The following ZNF326 variants were observed in gnomAD, a reference collection of about 807,000 sequenced individuals.
The protein encoded by ZNF326 is DBIRD complex subunit ZNF326.
Under a neutral mutation model 63.1 loss-of-function variants are expected in ZNF326, and 30 were observed. The observed-to-expected ratio is 0.48, with a 90% CI of 0.36 to 0.64. ZNF326 has a LOEUF of 0.64. Ranked by LOEUF, ZNF326 falls within the 30% of genes least tolerant of loss-of-function variation. ZNF326 has a pLI of 0.00. For missense variants in ZNF326, 609 were observed against 720.3 expected (o/e 0.85, Z 1.77); for synonymous variants, 194 against 228.2 (o/e 0.85, Z 1.35).
At chr1:90,027,242 A>G in intron 11 of ZNF326, 112 bp from the exon 12 acceptor site, 1 of 973,876 alleles carries the variant, frequency 1.0e-6, no homozygotes. Flanking sequence ...ATTTACAATG[A>G]AAAGTTTCAA....
chr1:90,010,026 A>G lies in ZNF326; in HGVS notation c.616-62A>G, dbSNP rs956076032. 3.7e-5 allele frequency: 55 copies of G among 1,506,202 alleles called. No individual in the cohort carries two copies. In the East Asian group the frequency reaches 4.6e-4, roughly 13 times the overall value. 93.3% of individuals were successfully genotyped at this position (1,506,202 alleles called of 1,614,324 possible). A position where few individuals can be genotyped will look rare whatever the true frequency, so the allele number is the denominator to read the frequency against. ...AGTAGATAGTTAACATGAAAATTTT[A>G]TATGAATTCATATTTTTTCTTGGAC... On this transcript the variant is annotated intron_variant, in intron 5 of 11. Transcript: ENST00000340281.
intron 1 of ZNF326, 25 bp from the exon 2 acceptor site, chr1:89,998,085 C>CT: frequency 6.2e-7 from 1 of 1,604,858 alleles, no homozygotes; most frequent in Non-Finnish European, 8.5e-7. Context: ...ACACTAATTC[C>CT]TTTTTGTTAA....
At chr1:90,024,014 T>C (rs1209307579) in intron 11 of ZNF326, among the ~76,000 whole-genome samples, 1 of 152,228 alleles carries the variant, frequency 6.6e-6, no homozygotes, top group Non-Finnish European at 1.5e-5. Flanking sequence ...TTTGTATGCA[T>C]GTGAAAATTC....
intron 1 of ZNF326, 52 bp from the exon 2 acceptor site, chr1:89,998,058 G>T: frequency 6.5e-7 from 1 of 1,532,614 alleles, no homozygotes. Flanking sequence ...ATATAATTTT[G>T]AATTATTGCT....
chr1:90,025,569 A>C (rs1455332341), intron 11 of ZNF326, among the ~76,000 whole-genome samples: 4 of 152,204 alleles, frequency 2.6e-5, no homozygotes, highest in Admixed American at 2.6e-4. Context: ...AGTACAGACT[A>C]AATGAAAATC....
chr1:90,015,899 A>G (rs1466099312), intron 7 of ZNF326, among the ~76,000 whole-genome samples: 1 of 151,234 alleles, frequency 6.6e-6, no homozygotes, highest in Non-Finnish European at 1.5e-5. Context: ...GGTGAAAGGT[A>G]TAATCTAATT....
chr1:90,026,215 AGCCTTGCAGGTATGAGCC>A (rs1650010293), intron 11 of ZNF326, among the ~76,000 whole-genome samples: 3 of 152,232 alleles, frequency 2.0e-5, no homozygotes, highest in African/African-American at 7.2e-5. Context: ...CACCCGCCTC[AGCCTTGCAGGTATGAGCC>A]ACCGCACCCA....
chr1:89,995,366 G>C, intron 1 of ZNF326, 93 bp downstream of exon 1: 1 of 1,447,890 alleles, frequency 6.9e-7, no homozygotes, highest in South Asian at 1.3e-5. Context: ...GGCCGTGTGG[G>C]CTTTGTTCTG....
chr1:89,998,554 T>G (rs1329366580), intron 2 of ZNF326, among the ~76,000 whole-genome samples: 2 of 152,140 alleles, frequency 1.3e-5, no homozygotes, highest in Non-Finnish European at 2.9e-5. Flanking sequence ...TGACCTTGTT[T>G]TTGAGGTCAT....
Position 89,998,170 on chromosome 1 carries a change from C to A in ZNF326, c.61+16C>A, listed in dbSNP as rs746541694. ...GGCTTTAATGGTAAGTATCCTCTTT[C>A]AGCTTTTCTCTTCATGCGCATAAAA... is the stretch of plus-strand genomic sequence containing the variant. On this transcript the variant is annotated intron_variant, in intron 2 of 11. Transcript: ENST00000340281. 6.2e-7 allele frequency: 1 copy of A among 1,611,832 alleles called. No individual in the cohort carries two copies. Among genetic ancestry groups the A allele is most frequent in the Admixed American group, 1.7e-5 (1 of 59,726 alleles).
rs1214848831 is a variant in ZNF326 at position 90,033,835 on chromosome 1, A to G, written c.*6134A>G. The G allele has an allele frequency of 6.6e-6, 1 of 152,112 alleles. No homozygotes were observed. Among genetic ancestry groups the G allele is most frequent in the Non-Finnish European group, 1.5e-5 (1 of 68,004 alleles). 9.4% of individuals were successfully genotyped at this position (152,112 alleles called of 1,614,324 possible). On this transcript the variant is annotated 3_prime_UTR_variant, in exon 12 of 12. Transcript: ENST00000340281. Reference sequence around the variant, plus strand: ...CACCATTGAATACCCTGCATATATCACAGTGCCAGGTAAATACTATGCAAT... The same window carrying G: ...CACCATTGAATACCCTGCATATATCGCAGTGCCAGGTAAATACTATGCAAT...
In ZNF326 at chr1:90,017,381, C is replaced by T. The variant is rs1649551087; in HGVS notation, c.991C>T (p.Leu331=). Residue 331 remains leucine, a synonymous_variant, in exon 8 of 12, where the codon CTG becomes TTG. Transcript: ENST00000340281. ...TGAAGAAAAAGATATTGAACTGCAT[C>T]TGGAAAGTTCTTCACATCAGGAAAC... The part of the protein sequence containing the change: ...TFEEKDIELH[L]ESSSHQETLD... 1 of 1,607,162 alleles carries T rather than the reference C, an allele frequency of 6.2e-7. No homozygotes were observed. Among genetic ancestry groups the T allele is most frequent in the Non-Finnish European group, 8.5e-7 (1 of 1,177,630 alleles).
chr1:90,027,581 A>AGT lies in ZNF326; in HGVS notation c.1630_1631dup (p.Gly545Ter). On this transcript the variant is annotated frameshift_variant, in exon 12 of 12. Coordinates refer to ENST00000340281, the MANE Select transcript of ZNF326 (RefSeq NM_182976.4). LOFTEE classifies it low-confidence loss of function (END_TRUNC). ...TACAGGGAGTAGGGGAAGGAGGGGAAGTAGGGGTAGTGGGAGAAGTAGAGG... is the reference window on the plus strand; with the variant it reads ...TACAGGGAGTAGGGGAAGGAGGGGAAGTGTAGGGGTAGTGGGAGAAGTAGAGG... 1 of 1,608,910 alleles carries AGT rather than the reference A, an allele frequency of 6.2e-7. No individual in the cohort carries two copies. Among genetic ancestry groups the AGT allele is most frequent in the Non-Finnish European group, 8.5e-7 (1 of 1,177,152 alleles).
intron 11 of ZNF326, 51 bp downstream of exon 11, chr1:90,022,396 A>C: frequency 2.3e-6 from 3 of 1,293,948 alleles, no homozygotes; most frequent in Non-Finnish European, 3.3e-6. Context: ...TATTGCAATA[A>C]TTAACTGGTG....
chr1:90,018,656 A>C lies in ZNF326; in HGVS notation c.1075-29A>C, dbSNP rs528482252. ...TATACTTGAGTGCTCATTGAAAGCTATTTAGATTCTTTCTATTTTGTTTTC... is the reference window on the plus strand; with the variant it reads ...TATACTTGAGTGCTCATTGAAAGCTCTTTAGATTCTTTCTATTTTGTTTTC... On this transcript the variant is annotated intron_variant, in intron 8 of 11. Coordinates refer to ENST00000340281, the MANE Select transcript of ZNF326 (RefSeq NM_182976.4). The C allele has an allele frequency of 4.4e-6, 6 of 1,373,148 alleles. No individual in the cohort carries two copies. The East Asian group carries it at 1.4e-4, about 33-fold the overall frequency. 85.1% of individuals were successfully genotyped at this position (1,373,148 alleles called of 1,614,324 possible). A position where few individuals can be genotyped will look rare whatever the true frequency, so the allele number is the denominator to read the frequency against.
intron 6 of ZNF326, 49 bp downstream of exon 6, chr1:90,010,335 T>G (rs768243804): frequency 1.3e-6 from 2 of 1,565,768 alleles, no homozygotes; most frequent in Non-Finnish European, 1.7e-6. Flanking sequence ...TTTTATTTTT[T>G]AAAATTCCAT....
At chr1:90,019,226 AAG>A (rs1382005148) in intron 9 of ZNF326, among the ~76,000 whole-genome samples, 2 of 152,166 alleles carry the variant, frequency 1.3e-5, no homozygotes, top group Non-Finnish European at 2.9e-5. Context: ...AAAGGAATAA[AAG>A]AAAAGGAAAG....
At chr1:90,018,649 GA>G (rs1460710325) in intron 8 of ZNF326, 35 bp from the exon 9 acceptor site, 1 of 1,303,106 alleles carries the variant, frequency 7.7e-7, no homozygotes, top group East Asian at 2.4e-5. Context: ...AGTGCTCATT[GA>G]AAGCTATTTA....
intron 2 of ZNF326, among the ~76,000 whole-genome samples, chr1:89,999,023 A>T (rs1013308362): frequency 6.6e-6 from 1 of 152,344 alleles, no homozygotes; most frequent in Admixed American, 6.5e-5. Context: ...AAAAAGGCTT[A>T]ACATATAGGG....
Sources: gnomAD v4.1 joint callset for allele counts (sites outside exome capture counted in the v4.1 genomes callset) on GRCh38, gnomAD v4.1.1 for gene constraint, MANE v1.5 for transcripts, NCBI Gene and HGNC (gene_info 2026-07-23, HGNC 2026-07-21) for gene names.